The following TPTE variants were observed in gnomAD, a reference collection of about 807,000 sequenced individuals.
TPTE encodes transmembrane phosphatase with tensin homology.
A neutral mutation model predicts 84.1 loss-of-function variants in TPTE; 59 were observed. The ratio of observed to expected loss-of-function variants is 0.70; its 90% confidence interval spans 0.57 to 0.87. The LOEUF (loss-of-function observed/expected upper bound fraction) is 0.87, where lower values mean the gene tolerates loss of function less well. Among genes scored for constraint, TPTE ranks in the 40% least tolerant of loss-of-function variants. The pLI is 0.00. For synonymous variants in TPTE, 130 were observed against 223.5 expected, an observed-to-expected ratio of 0.58 and a Z score of 3.73; for missense variants, 382 against 659.6, an observed-to-expected ratio of 0.58 and a Z score of 4.61.
intron 17 of TPTE, among the ~76,000 whole-genome samples, 190 bp from the exon 18 acceptor site, chr21:10,590,272 C>T (rs1399675556): frequency 1.3e-5 from 2 of 152,292 alleles, no homozygotes; most frequent in African/African-American, 4.8e-5. Context: ...ATGTAATTTG[C>T]CTATTTTTCA....
chr21:10,541,867 C>T (rs1231443859), intron 5 of TPTE, among the ~76,000 whole-genome samples: 3 of 152,308 alleles, frequency 2.0e-5, no homozygotes. Flanking sequence ...GAGCTATGAG[C>T]CTTGGAGGTG....
intron 17 of TPTE, among the ~76,000 whole-genome samples, chr21:10,579,241 G>T (rs1246854600): frequency 1.3e-5 from 2 of 152,304 alleles, no homozygotes; most frequent in African/African-American, 2.4e-5. Flanking sequence ...AACATCTCAG[G>T]CTGGGCACAG....
At chr21:10,579,240 G>A (rs1284680388) in intron 17 of TPTE, among the ~76,000 whole-genome samples, 2 of 152,306 alleles carry the variant, frequency 1.3e-5, no homozygotes, top group African/African-American at 2.4e-5. Context: ...TAACATCTCA[G>A]GCTGGGCACA....
At chr21:10,586,611 T>A (rs1343326317) in intron 17 of TPTE, among the ~76,000 whole-genome samples, 1 of 152,302 alleles carries the variant, frequency 6.6e-6, no homozygotes, top group African/African-American at 2.4e-5. Context: ...TCTGTTTTCA[T>A]TTGATTGAAT....
intron 2 of TPTE, 145 bp downstream of exon 2, chr21:10,524,833 A>C (rs1269425722): frequency 3.3e-5 from 5 of 152,388 alleles, no homozygotes; most frequent in Non-Finnish European, 5.9e-5. Flanking sequence ...TTCTACTCCT[A>C]CTGCAGATGA....
intron 1 of TPTE, among the ~76,000 whole-genome samples, chr21:10,522,149 C>T (rs1341905706): frequency 6.6e-6 from 1 of 152,266 alleles, no homozygotes; most frequent in Non-Finnish European, 1.5e-5. Context: ...GTCTTGTCCC[C>T]CCCCAGGATG....
intron 10 of TPTE, among the ~76,000 whole-genome samples, chr21:10,563,879 G>C (rs1330113668): frequency 1.3e-5 from 2 of 152,308 alleles, no homozygotes; most frequent in Admixed American, 1.3e-4. Flanking sequence ...GACCCATCCA[G>C]GTGTGGTGGC....
In TPTE at chr21:10,522,882, A is replaced by G. The variant is rs1358873441; in HGVS notation, c.-211+1188A>G. On this transcript the variant is annotated intron_variant, in intron 1 of 23. Coordinates refer to ENST00000618007, the MANE Select transcript of TPTE (RefSeq NM_199261.4). Reference sequence around the variant, plus strand: ...CATGTCTTTGATGTAAGAATATTCAAAATCCTCTTTTCTAGCGAGAATATG... The same window carrying G: ...CATGTCTTTGATGTAAGAATATTCAGAATCCTCTTTTCTAGCGAGAATATG... Among the ~76,000 whole-genome samples, 6 of 152,402 alleles carry G rather than the reference A, an allele frequency of 3.9e-5. No individual in the cohort carries two copies. In the East Asian group the frequency reaches 9.6e-4, roughly 24 times the overall value.
rs763919484 is a variant in TPTE at position 10,592,356 on chromosome 21, G to A, written c.1153G>A (p.Val385Ile). The part of the protein sequence containing the change: ...DKTHSEKFQG[V>I]KTPSQKRYVA... ...AACCCACAGCGAAAAATTTCAGGGA[G>A]TAAAAACTCCTTCTCAGGTAAGTTT... The change falls in exon 19 of 24, where the codon GTA (valine) becomes ATA (isoleucine). Residue 385 changes from valine to isoleucine, a missense_variant. Physicochemically the swap from Val to Ile is conservative, Grantham distance 29 (BLOSUM62 3). Coordinates refer to ENST00000618007, the MANE Select transcript of TPTE (RefSeq NM_199261.4). The A allele has an allele frequency of 6.2e-7, 1 of 1,613,232 alleles. No homozygotes were observed. Among genetic ancestry groups the A allele is most frequent in the Non-Finnish European group, 8.5e-7 (1 of 1,179,240 alleles).
chr21:10,545,645 C>CACAA (rs2074451639), intron 7 of TPTE, among the ~76,000 whole-genome samples: 1 of 152,258 alleles, frequency 6.6e-6, no homozygotes, highest in African/African-American at 2.4e-5. Flanking sequence ...TACACACACA[C>CACAA]ACACACATAT....
At chr21:10,557,826 T>C (rs554378592) in intron 8 of TPTE, among the ~76,000 whole-genome samples, 1 of 152,308 alleles carries the variant, frequency 6.6e-6, no homozygotes, top group African/African-American at 2.4e-5. Context: ...TGTTTTTTTT[T>C]ATTTTTTACA....
chr21:10,569,983 C>T (rs1248078144), intron 13 of TPTE, among the ~76,000 whole-genome samples: 201 of 151,516 alleles, frequency 1.3e-3, no homozygotes, highest in African/African-American at 4.7e-3. Flanking sequence ...TTTCAGCTGA[C>T]TCCATTTGAG....
At chr21:10,554,422 C>G (rs1025053997) in intron 8 of TPTE, among the ~76,000 whole-genome samples, 2 of 152,308 alleles carry the variant, frequency 1.3e-5, no homozygotes, top group African/African-American at 4.8e-5. Context: ...CATCAAGATG[C>G]AAAGTGTACA....
At chr21:10,571,005 C>T (rs8130398) in intron 14 of TPTE, among the ~76,000 whole-genome samples, 10,001 of 140,624 alleles carry the variant, frequency 0.071, no homozygotes, top group African/African-American at 0.18. Flanking sequence ...CCAACAGCCC[C>T]ACCCCCTTCA....
chr21:10,591,191 T>C (rs2075469202), intron 18 of TPTE, among the ~76,000 whole-genome samples: 1 of 152,310 alleles, frequency 6.6e-6, no homozygotes, highest in African/African-American at 2.4e-5. Flanking sequence ...AAATTTCTGA[T>C]AAGACAAGGT....
At chr21:10,589,927 A>G (rs1029217104) in intron 17 of TPTE, among the ~76,000 whole-genome samples, 3 of 152,310 alleles carry the variant, frequency 2.0e-5, no homozygotes, top group African/African-American at 7.2e-5. Flanking sequence ...AAAGCCTGTA[A>G]TCTGCCATCT....
chr21:10,521,716 TC>T (rs1358838594), intron 1 of TPTE, 22 bp downstream of exon 1: 101 of 137,920 alleles, frequency 7.3e-4, no homozygotes, highest in African/African-American at 2.7e-3. Context: ...CCCTAAGTCC[TC>T]CGGGCGGGGG....
At chr21:10,549,793 C>G (rs1221759402) in intron 7 of TPTE, among the ~76,000 whole-genome samples, 1 of 152,310 alleles carries the variant, frequency 6.6e-6, no homozygotes, top group African/African-American at 2.4e-5. Context: ...CGTAAAACTT[C>G]CTAACTCTTG....
At chr21:10,563,196 T>C (rs2074843910) in intron 10 of TPTE, among the ~76,000 whole-genome samples, 2 of 152,306 alleles carry the variant, frequency 1.3e-5, no homozygotes, top group Non-Finnish European at 2.9e-5. Context: ...TAAAGACTTT[T>C]CCACACAAAA....
Sources: allele counts gnomAD v4.1 joint callset (sites outside exome capture counted in the v4.1 genomes callset), GRCh38; gene constraint gnomAD v4.1.1; transcripts MANE v1.5; gene names NCBI Gene and HGNC (gene_info 2026-07-23, HGNC 2026-07-21).